Variants in MYO1H observed in about 807,000 individuals in gnomAD.
MYO1H encodes the protein myosin IH, also known as unconventional myosin-Ih.
A neutral mutation model predicts 149.3 loss-of-function variants in MYO1H; 118 were observed. The observed-to-expected ratio is 0.79, with a 90% CI of 0.68 to 0.92. The LOEUF is 0.92. Among genes scored for constraint, MYO1H ranks in the 40% least tolerant of loss-of-function variants. The probability of loss-of-function intolerance (pLI) is 0.00; values close to 1 mark genes in which losing one functional copy is unlikely to be tolerated. For synonymous variants in MYO1H, 447 were observed against 465.2 expected (o/e 0.96, Z 0.50); for missense variants, 1,212 against 1,280.7 (o/e 0.95, Z 0.82).
chr12:109,347,789 C>G (rs1455686734), upstream of MYO1H: 3 of 392,484 alleles, frequency 7.6e-6, no homozygotes, highest in Non-Finnish European at 4.5e-6. Flanking sequence ...CCATAAGATG[C>G]AGTTTCTGCC....
chr12:109,371,124 TC>T (rs1246697623), intron 1 of MYO1H, among the ~76,000 whole-genome samples: 1 of 152,174 alleles, frequency 6.6e-6, no homozygotes, highest in African/African-American at 2.4e-5. Context: ...ACTACGGTTT[TC>T]AATTCCTTGG....
chr12:109,319,227 C>G, the MYO1H span, among the ~76,000 whole-genome samples: 1 of 152,068 alleles, frequency 6.6e-6, no homozygotes, highest in East Asian at 1.9e-4. Context: ...GTGGCTTCTC[C>G]ATGCAATGGA....
the MYO1H span, among the ~76,000 whole-genome samples, chr12:109,332,209 A>G: frequency 6.6e-6 from 1 of 152,222 alleles, no homozygotes; most frequent in Non-Finnish European, 1.5e-5. Flanking sequence ...TTACTTGGAA[A>G]ACAATGTAGT....
the MYO1H span, among the ~76,000 whole-genome samples, chr12:109,323,499 T>C: frequency 5.9e-5 from 9 of 152,244 alleles, no homozygotes; most frequent in African/African-American, 2.2e-4. Context: ...TAGAGAGCCC[T>C]GTTTCTCAAA....
chr12:109,437,491 T>C (rs1871910783), intron 22 of MYO1H, among the ~76,000 whole-genome samples: 1 of 152,164 alleles, frequency 6.6e-6, no homozygotes, highest in South Asian at 2.1e-4. Flanking sequence ...GTCAGCATTA[T>C]AGGAAGTATT....
At chr12:109,407,702 T>G in intron 9 of MYO1H, 92 bp from the exon 10 acceptor site, 3 of 1,382,874 alleles carry the variant, frequency 2.2e-6, no homozygotes, top group South Asian at 1.6e-5. Flanking sequence ...TGTCTCATTA[T>G]TTTATTTTTT....
chr12:109,383,849 A>G (rs76139317), intron 1 of MYO1H, among the ~76,000 whole-genome samples: 208 of 152,194 alleles, frequency 1.4e-3, no homozygotes, highest in South Asian at 7.5e-3. Flanking sequence ...GACTCCACAT[A>G]CTGGGTCAAG....
At chr12:109,320,455 C>CAAAAAAA in the MYO1H span, among the ~76,000 whole-genome samples, 17 of 63,338 alleles carry the variant, frequency 2.7e-4, 1 homozygote, top group East Asian at 6.8e-4. Context: ...ATTAAAAATA[C>CAAAAAAA]AAAAAAAAAA....
At chr12:109,375,184 G>C (rs1258054232) in intron 1 of MYO1H, among the ~76,000 whole-genome samples, 1 of 146,554 alleles carries the variant, frequency 6.8e-6, no homozygotes, top group African/African-American at 2.5e-5. Flanking sequence ...ACAAGGTCTG[G>C]CTCTATTGCC....
At chr12:109,333,995 T>A in the MYO1H span, among the ~76,000 whole-genome samples, 1 of 152,022 alleles carries the variant, frequency 6.6e-6, no homozygotes, top group African/African-American at 2.4e-5. Context: ...ATTTACTTGT[T>A]TATGTACTCA....
chr12:109,320,326 C>T, the MYO1H span, among the ~76,000 whole-genome samples: 557 of 150,242 alleles, frequency 3.7e-3, 6 homozygotes, highest in African/African-American at 0.013. Context: ...AAGAAAAAAA[C>T]GGGCCAGACG....
At chr12:109,349,832 G>A (rs1415935160) in intron 1 of MYO1H, among the ~76,000 whole-genome samples, 6 of 151,288 alleles carry the variant, frequency 4.0e-5, no homozygotes, top group South Asian at 2.1e-4. Context: ...GTGGTAGGGG[G>A]TGCCTATAGT....
the MYO1H span, among the ~76,000 whole-genome samples, chr12:109,315,481 C>T: frequency 6.6e-6 from 1 of 152,206 alleles, no homozygotes; most frequent in Admixed American, 6.5e-5. Context: ...CAGGGATCTA[C>T]AGGCCACATT....
At chr12:109,436,527 G>A in exon 22 of MYO1H, 1 of 1,610,888 alleles carries the variant, frequency 6.2e-7, no homozygotes, top group Non-Finnish European at 8.5e-7. Context: ...TGCCTAGGAA[G>A]GAGAGAATAC....
rs778028199 is a variant in MYO1H at position 109,409,541 on chromosome 12, G to A, written c.1156-16G>A. 3.7e-6 allele frequency: 6 copies of A among 1,610,858 alleles called. No homozygotes were observed. In the South Asian group the frequency reaches 6.6e-5, roughly 18 times the overall value. ...GAAAAGACCTAACTATGAATGGGGT[G>A]TGTTATTTTGACCAGGATTTCACCA... is the stretch of plus-strand genomic sequence containing the variant. On this transcript the variant is annotated splice_polypyrimidine_tract_variant and intron_variant, in intron 10 of 31. Transcript: ENST00000310903.
exon 28 of MYO1H, chr12:109,443,616 A>G: frequency 6.2e-7 from 1 of 1,613,394 alleles, no homozygotes; most frequent in African/African-American, 1.3e-5. Flanking sequence ...ACTTGCCAAA[A>G]TCAAGCAGAA....
At chr12:109,353,654 A>G (rs1359007452) in intron 1 of MYO1H, among the ~76,000 whole-genome samples, 1 of 152,074 alleles carries the variant, frequency 6.6e-6, no homozygotes, top group East Asian at 1.9e-4. Context: ...GGGGAGAACT[A>G]GAAGGAATAT....
intron 20 of MYO1H, among the ~76,000 whole-genome samples, chr12:109,434,377 C>G (rs1473532032): frequency 6.6e-6 from 1 of 152,104 alleles, no homozygotes. Flanking sequence ...GCCTGTAATC[C>G]CAGCTACTCG....
At chr12:109,415,575 T>C in exon 15 of MYO1H, 1 of 1,606,764 alleles carries the variant, frequency 6.2e-7, no homozygotes, top group Non-Finnish European at 8.5e-7. Context: ...CTGGATGGAG[T>C]TCCGACTCCT....
Sources: gnomAD v4.1 joint callset for allele counts (sites outside exome capture counted in the v4.1 genomes callset) on GRCh38, gnomAD v4.1.1 for gene constraint, MANE v1.5 for transcripts, NCBI Gene and HGNC (gene_info 2026-07-23, HGNC 2026-07-21) for gene names.